Variants in BTBD9 observed in about 807,000 individuals in gnomAD.
BTBD9 encodes BTB domain containing 9, also known as BTB/POZ domain-containing protein 9.
BTBD9 carries 49 observed loss-of-function variants against 64.3 expected under a neutral mutation model. The observed-to-expected ratio is 0.76, with a 90% CI of 0.61 to 0.97. The LOEUF (loss-of-function observed/expected upper bound fraction) is 0.97, where lower values mean the gene tolerates loss of function less well. Among genes scored for constraint, BTBD9 ranks in the 50% least tolerant of loss-of-function variants. The pLI is 0.00. For synonymous variants in BTBD9, 260 were observed against 274.7 expected (o/e 0.95, Z 0.53); for missense variants, 598 against 762.1 (o/e 0.78, Z 2.53).
At chr6:38,298,983 C>A (rs9380733) in intron 7 of BTBD9, among the ~76,000 whole-genome samples, 94 of 151,910 alleles carry the variant, frequency 6.2e-4, no homozygotes, top group African/African-American at 1.6e-3. Flanking sequence ...ATTAGGTATA[C>A]CTCCGAATGC....
intron 7 of BTBD9, among the ~76,000 whole-genome samples, chr6:38,308,495 T>C (rs190199665): frequency 1.3e-5 from 2 of 152,374 alleles, no homozygotes; most frequent in Non-Finnish European, 2.9e-5. Context: ...ATAAAGGGCA[T>C]CTTTTTCTGT....
At chr6:38,290,276 A>G (rs996605107) in intron 7 of BTBD9, among the ~76,000 whole-genome samples, 1 of 151,708 alleles carries the variant, frequency 6.6e-6, no homozygotes, top group African/African-American at 2.4e-5. Context: ...CTGTAAGGAC[A>G]GTTTCCTGGC....
At chr6:38,581,001 T>C (rs948099699) in intron 4 of BTBD9, among the ~76,000 whole-genome samples, 5 of 152,214 alleles carry the variant, frequency 3.3e-5, no homozygotes, top group Non-Finnish European at 7.3e-5. Context: ...GAGATCAGCC[T>C]GGGCAACACA....
At chr6:38,217,476 G>A (rs1400991557) in intron 9 of BTBD9, among the ~76,000 whole-genome samples, 1 of 152,082 alleles carries the variant, frequency 6.6e-6, no homozygotes, top group Non-Finnish European at 1.5e-5. Flanking sequence ...GTGACAGTGA[G>A]GATGAGGGAC....
chr6:38,515,636 T>C (rs1772991693), intron 6 of BTBD9, among the ~76,000 whole-genome samples: 1 of 152,168 alleles, frequency 6.6e-6, no homozygotes, highest in South Asian at 2.1e-4. Context: ...AACTAAAAGA[T>C]AATAGGGGAA....
At chr6:38,413,666 A>G (rs1021666942) in intron 6 of BTBD9, among the ~76,000 whole-genome samples, 1 of 151,300 alleles carries the variant, frequency 6.6e-6, no homozygotes, top group Non-Finnish European at 1.5e-5. Context: ...TTTACATGTC[A>G]TTTTCCTGTA....
At chr6:38,361,397 A>G (rs953317657) in intron 6 of BTBD9, among the ~76,000 whole-genome samples, 12 of 151,902 alleles carry the variant, frequency 7.9e-5, no homozygotes, top group African/African-American at 2.9e-4. Context: ...AGGAATTTCA[A>G]AATTAGCTAG....
chr6:38,370,792 C>T (rs1765387060), intron 6 of BTBD9, among the ~76,000 whole-genome samples: 1 of 152,224 alleles, frequency 6.6e-6, no homozygotes, highest in South Asian at 2.1e-4. Flanking sequence ...CTCTATTAAG[C>T]AAGTACTGAA....
chr6:38,233,132 C>T (rs2127518692), intron 9 of BTBD9, among the ~76,000 whole-genome samples: 1 of 152,238 alleles, frequency 6.6e-6, no homozygotes, highest in East Asian at 1.9e-4. Context: ...CTGCCCTTCC[C>T]TAGTGATAAC....
intron 6 of BTBD9, among the ~76,000 whole-genome samples, chr6:38,352,985 A>G (rs1764581935): frequency 6.6e-6 from 1 of 152,272 alleles, no homozygotes; most frequent in Non-Finnish European, 1.5e-5. Flanking sequence ...AAAAAATCAA[A>G]TAATTATCCA....
intron 7 of BTBD9, among the ~76,000 whole-genome samples, chr6:38,343,622 T>C (rs1423023830): frequency 6.6e-6 from 1 of 152,164 alleles, no homozygotes; most frequent in East Asian, 1.9e-4. Context: ...GTACAGCCTA[T>C]AGAATTAAAA....
intron 8 of BTBD9, among the ~76,000 whole-genome samples, chr6:38,257,271 A>G (rs1167514130): frequency 6.6e-6 from 1 of 150,814 alleles, no homozygotes; most frequent in Non-Finnish European, 1.5e-5. Context: ...GGATATGATC[A>G]TAGCTCATTG....
intron 6 of BTBD9, among the ~76,000 whole-genome samples, chr6:38,577,107 C>T (rs1314515018): frequency 2.0e-5 from 3 of 152,190 alleles, no homozygotes; most frequent in Non-Finnish European, 4.4e-5. Context: ...CTGTCAAACC[C>T]CATTTGTTAA....
At chr6:38,425,369 G>A (rs1768099278) in intron 6 of BTBD9, among the ~76,000 whole-genome samples, 1 of 151,822 alleles carries the variant, frequency 6.6e-6, no homozygotes, top group South Asian at 2.1e-4. Flanking sequence ...CTCCCAAAGT[G>A]CTGGGATCTC....
At chr6:38,267,715 G>A (rs1210043954) in intron 8 of BTBD9, among the ~76,000 whole-genome samples, 1 of 152,218 alleles carries the variant, frequency 6.6e-6, no homozygotes, top group African/African-American at 2.4e-5. Context: ...CAAGGTGGGT[G>A]GATCACGAGG....
chr6:38,615,019 C>A (rs1777739027), intron 1 of BTBD9, among the ~76,000 whole-genome samples: 1 of 152,218 alleles, frequency 6.6e-6, no homozygotes, highest in Non-Finnish European at 1.5e-5. Flanking sequence ...GCCTTCAAGG[C>A]CTGTGGAATC....
At chr6:38,409,582 T>C (rs1181599762) in intron 6 of BTBD9, among the ~76,000 whole-genome samples, 1 of 152,136 alleles carries the variant, frequency 6.6e-6, no homozygotes, top group Non-Finnish European at 1.5e-5. Flanking sequence ...TCCAGCACTT[T>C]GGGAGGCCGA....
intron 7 of BTBD9, among the ~76,000 whole-genome samples, chr6:38,323,413 AAGTAGG>A (rs1763309104): frequency 6.6e-6 from 1 of 152,210 alleles, no homozygotes; most frequent in South Asian, 2.1e-4. Flanking sequence ...AGAAGGGATA[AAGTAGG>A]AGTAGAACAA....
intron 6 of BTBD9, among the ~76,000 whole-genome samples, chr6:38,563,605 A>C (rs752321648): frequency 6.6e-6 from 1 of 152,014 alleles, no homozygotes; most frequent in Non-Finnish European, 1.5e-5. Flanking sequence ...CCACACACAC[A>C]TGCAGACCTG....
Sources: allele counts gnomAD v4.1 joint callset (sites outside exome capture counted in the v4.1 genomes callset), GRCh38; gene constraint gnomAD v4.1.1; transcripts MANE v1.5; gene names NCBI Gene and HGNC (gene_info 2026-07-23, HGNC 2026-07-21).